The following ADAMTS19 variants were observed in gnomAD, a reference collection of about 807,000 sequenced individuals.
ADAMTS19 encodes the protein A disintegrin and metalloproteinase with thrombospondin motifs 19.
ADAMTS19 carries 93 observed loss-of-function variants against 153.3 expected under a neutral mutation model. The observed-to-expected ratio is 0.61, with a 90% CI of 0.51 to 0.72. The LOEUF is 0.72. Among genes scored for constraint, ADAMTS19 ranks in the 30% least tolerant of loss-of-function variants. The pLI, the probability that ADAMTS19 is intolerant of heterozygous loss-of-function variation, is 0.00. For synonymous variants in ADAMTS19, 600 were observed against 556.6 expected, an observed-to-expected ratio of 1.08 and a Z score of -1.10; for missense variants, 1,482 against 1,552.1, an observed-to-expected ratio of 0.95 and a Z score of 0.76.
At position 129,584,377 on chromosome 5, in the gene ADAMTS19, G is replaced by A. The variant is rs931341887; in HGVS notation, c.1373-12182G>A. On this transcript the variant is annotated intron_variant, in intron 7 of 22. Transcript: ENST00000274487. ...CCCATTCAGGAGGCACGGGGGTCAG[G>A]GACCCACTTGAGGAGGCAGTCTGTC... Among the ~76,000 whole-genome samples the A allele has an allele frequency of 3.3e-5, 5 of 152,186 alleles. No homozygotes were observed. In the South Asian group the frequency reaches 1.0e-3, roughly 32 times the overall value.
intron 10 of ADAMTS19, among the ~76,000 whole-genome samples, chr5:129,635,630 T>C (rs1199258919): frequency 6.6e-6 from 1 of 152,200 alleles, no homozygotes; most frequent in East Asian, 1.9e-4. Context: ...GAGCCATTAT[T>C]ATTAGCAAAC....
chr5:129,606,519 G>C (rs537618496), intron 8 of ADAMTS19, among the ~76,000 whole-genome samples: 1 of 152,132 alleles, frequency 6.6e-6, no homozygotes, highest in Non-Finnish European at 1.5e-5. Context: ...AACTGGTGTC[G>C]TCTCCTTTGC....
chr5:129,522,980 C>T (rs1177893919), intron 3 of ADAMTS19, among the ~76,000 whole-genome samples: 1 of 150,844 alleles, frequency 6.6e-6, no homozygotes, highest in Admixed American at 6.6e-5. Context: ...CACGAGAACC[C>T]AGAGGCAGAG....
At chr5:129,620,477 AT>A (rs1751729942) in intron 8 of ADAMTS19, 140 bp from the exon 9 acceptor site, 2 of 497,784 alleles carry the variant, frequency 4.0e-6, no homozygotes, top group Non-Finnish European at 6.4e-6. Context: ...ATCTAATTTT[AT>A]TTTGAAACTA....
chr5:129,507,506 G>C (rs1751302592), intron 2 of ADAMTS19, among the ~76,000 whole-genome samples: 2 of 151,990 alleles, frequency 1.3e-5, no homozygotes, highest in South Asian at 4.1e-4. Flanking sequence ...AGTAAAATAT[G>C]TATGGAAAAT....
chr5:129,661,514 C>T lies in ADAMTS19; in HGVS notation c.2425+2777C>T, dbSNP rs145705158. Reference sequence around the variant, plus strand: ...ACAGCCCTGTTTGTCCAGTTGGCCACGCACGTTGTATATATTGTATGAGTA... The same window carrying T: ...ACAGCCCTGTTTGTCCAGTTGGCCATGCACGTTGTATATATTGTATGAGTA... On this transcript the variant is annotated intron_variant, in intron 15 of 22. Coordinates refer to ENST00000274487, the MANE Select transcript of ADAMTS19 (RefSeq NM_133638.6). Among the ~76,000 whole-genome samples, 532 of 152,260 alleles carry T rather than the reference C, an allele frequency of 3.5e-3. 3 individuals are homozygous for T. Among genetic ancestry groups the T allele is most frequent in the African/African-American group, 0.012 (481 of 41,552 alleles).
intron 8 of ADAMTS19, among the ~76,000 whole-genome samples, chr5:129,617,980 G>A (rs909644892): frequency 8.6e-5 from 13 of 151,840 alleles, no homozygotes; most frequent in Admixed American, 7.9e-4. Flanking sequence ...TGTATTCCAG[G>A]CACTGGTCAG....
chr5:129,499,060 C>T (rs1751017811), intron 2 of ADAMTS19, among the ~76,000 whole-genome samples: 1 of 151,844 alleles, frequency 6.6e-6, no homozygotes, highest in Admixed American at 6.6e-5. Flanking sequence ...TACAATGGAA[C>T]ATAATAGATT....
intron 3 of ADAMTS19, among the ~76,000 whole-genome samples, chr5:129,519,986 T>TA (rs1192312975): frequency 6.6e-6 from 1 of 152,124 alleles, no homozygotes; most frequent in African/African-American, 2.4e-5. Context: ...AGATCAAAGT[T>TA]AAAATGAAGA....
At chr5:129,632,805 T>A (rs975832987) in intron 10 of ADAMTS19, among the ~76,000 whole-genome samples, 1 of 152,090 alleles carries the variant, frequency 6.6e-6, no homozygotes, top group Non-Finnish European at 1.5e-5. Flanking sequence ...TCTCCCTGTT[T>A]ATGTGCAAGA....
intron 4 of ADAMTS19, 83 bp from the exon 5 acceptor site, chr5:129,527,665 A>T: frequency 2.9e-5 from 12 of 409,074 alleles, no homozygotes; most frequent in East Asian, 5.5e-5. Flanking sequence ...AACTAAATTG[A>T]GACATCTCCA....
chr5:129,648,901 T>C lies in ADAMTS19; in HGVS notation c.2107T>C (p.Cys703Arg), dbSNP rs1230744818. 1.2e-6 allele frequency: 2 copies of C among 1,613,782 alleles called. No individual in the cohort carries two copies. The highest frequency in any genetic ancestry group is 1.7e-6 in the Non-Finnish European group (2 of 1,179,830). Residue 703 changes from cysteine (C) to arginine (R), a missense_variant, in exon 13 of 23, where the codon TGT (cysteine) becomes CGT (arginine). By Grantham distance (180) the Cys-to-Arg change is radical. This residue lies in a region of ADAMTS19 where 616 missense variants were observed against 724.4 expected (regional missense o/e 0.85). Coordinates refer to ENST00000274487, the MANE Select transcript of ADAMTS19 (RefSeq NM_133638.6). ...AGLPGFRDWQ[C>R]QAYSVRTSSP... ...TTTGCCTGGATTCAGAGACTGGCAA[T>C]GTCAGGCTTATAGTGTTAGAACTTC...
At chr5:129,611,922 G>T (rs1283989252) in intron 8 of ADAMTS19, among the ~76,000 whole-genome samples, 1 of 152,096 alleles carries the variant, frequency 6.6e-6, no homozygotes, top group Non-Finnish European at 1.5e-5. Context: ...AGCCAGAAGA[G>T]AGTGGGGGCT....
At chr5:129,615,036 AG>A (rs1751440640) in intron 8 of ADAMTS19, among the ~76,000 whole-genome samples, 1 of 151,424 alleles carries the variant, frequency 6.6e-6, no homozygotes, top group African/African-American at 2.4e-5. Context: ...AAAATAAAAG[AG>A]GATACAAACA....
chr5:129,635,177 T>C (rs1183835534), intron 10 of ADAMTS19, among the ~76,000 whole-genome samples: 2 of 152,052 alleles, frequency 1.3e-5, no homozygotes, highest in Non-Finnish European at 2.9e-5. Context: ...CGCTGATCAC[T>C]AGAGAAATGC....
At chr5:129,541,640 C>A (rs995594296) in intron 6 of ADAMTS19, among the ~76,000 whole-genome samples, 8 of 151,992 alleles carry the variant, frequency 5.3e-5, no homozygotes, top group African/African-American at 9.7e-5. Flanking sequence ...AGACCCTTAC[C>A]ACGTTACAGA....
At chr5:129,626,787 G>A (rs1441463979) in intron 10 of ADAMTS19, among the ~76,000 whole-genome samples, 1 of 152,114 alleles carries the variant, frequency 6.6e-6, no homozygotes, top group African/African-American at 2.4e-5. Context: ...TTACATTTTA[G>A]TTGGAGGAAA....
chr5:129,647,602 A>G (rs1002070380), intron 11 of ADAMTS19, among the ~76,000 whole-genome samples, 163 bp from the exon 12 acceptor site: 1 of 152,306 alleles, frequency 6.6e-6, no homozygotes. Context: ...TTATATTACT[A>G]TGACAAAAAA....
intron 7 of ADAMTS19, among the ~76,000 whole-genome samples, chr5:129,591,215 T>C (rs1252989750): frequency 1.3e-5 from 2 of 152,186 alleles, no homozygotes. Context: ...TTATTTCCCT[T>C]TTATATTCTC....
Sources: gnomAD v4.1 joint callset for allele counts (sites outside exome capture counted in the v4.1 genomes callset) on GRCh38, gnomAD v4.1.1 for gene constraint, gnomAD v4.1.1 regional missense constraint, MANE v1.5 for transcripts, NCBI Gene and HGNC (gene_info 2026-07-23, HGNC 2026-07-21) for gene names.